Variants in SPATA16 observed in about 807,000 individuals in gnomAD.
SPATA16 encodes spermatogenesis-associated protein 16.
Under a neutral mutation model 63.3 loss-of-function variants are expected in SPATA16, and 36 were observed. The observed-to-expected ratio is 0.57, with a 90% confidence interval of 0.44 to 0.75. The LOEUF (loss-of-function observed/expected upper bound fraction) is 0.75, where lower values mean the gene tolerates loss of function less well. Among genes scored for constraint, SPATA16 ranks in the 30% least tolerant of loss-of-function variants. The probability of loss-of-function intolerance (pLI) is 0.00; values close to 1 mark genes in which losing one functional copy is unlikely to be tolerated. For synonymous variants in SPATA16, 203 were observed against 216.7 expected, an observed-to-expected ratio of 0.94 and a Z score of 0.56; for missense variants, 646 against 679.3, an observed-to-expected ratio of 0.95 and a Z score of 0.54.
intron 4 of SPATA16, among the ~76,000 whole-genome samples, chr3:173,007,905 T>C (rs1393729491): frequency 1.3e-5 from 2 of 152,096 alleles, no homozygotes; most frequent in African/African-American, 4.8e-5. Flanking sequence ...TTTTACAACA[T>C]TTAGGGTAAG....
At chr3:172,956,445 T>A (rs1733597035) in intron 6 of SPATA16, among the ~76,000 whole-genome samples, 1 of 152,122 alleles carries the variant, frequency 6.6e-6, no homozygotes, top group African/African-American at 2.4e-5. Flanking sequence ...ATTTTCTAGG[T>A]TTTATCCCTA....
At chr3:173,061,161 T>A (rs925382245) in intron 2 of SPATA16, among the ~76,000 whole-genome samples, 1 of 152,204 alleles carries the variant, frequency 6.6e-6, no homozygotes, top group Non-Finnish European at 1.5e-5. Flanking sequence ...CAAAGTGAAG[T>A]ATACCACACT....
intron 5 of SPATA16, among the ~76,000 whole-genome samples, chr3:172,964,603 G>A (rs1733866362): frequency 6.6e-6 from 1 of 152,146 alleles, no homozygotes; most frequent in Non-Finnish European, 1.5e-5. Context: ...CACAGCTTGG[G>A]ACCCTTTTTT....
intron 3 of SPATA16, among the ~76,000 whole-genome samples, chr3:173,047,391 G>A (rs1014810907): frequency 3.3e-5 from 5 of 151,812 alleles, no homozygotes; most frequent in East Asian, 3.9e-4. Context: ...CCATGTAGGC[G>A]GCCCTTTTTA....
chr3:173,057,338 C>T (rs536359683), intron 2 of SPATA16, among the ~76,000 whole-genome samples: 2 of 152,134 alleles, frequency 1.3e-5, no homozygotes, highest in South Asian at 4.2e-4. Flanking sequence ...TGGTCTCCAT[C>T]GCCTGACCTC....
chr3:173,096,676 T>G (rs1020538642), intron 2 of SPATA16, among the ~76,000 whole-genome samples: 1 of 152,092 alleles, frequency 6.6e-6, no homozygotes, highest in Admixed American at 6.6e-5. Context: ...AATTTAGCAA[T>G]ATTTATTGAA....
At chr3:172,948,910 A>G (rs1027020266) in intron 6 of SPATA16, among the ~76,000 whole-genome samples, 1 of 152,240 alleles carries the variant, frequency 6.6e-6, no homozygotes, top group African/African-American at 2.4e-5. Flanking sequence ...CAGATACAAA[A>G]GAGCATCTAC....
intron 2 of SPATA16, among the ~76,000 whole-genome samples, chr3:173,092,133 C>A (rs1278184425): frequency 6.6e-6 from 1 of 152,130 alleles, no homozygotes; most frequent in African/African-American, 2.4e-5. Flanking sequence ...TATGCTGATG[C>A]TCATACTGCT....
chr3:173,027,668 T>C (rs1735481200), intron 3 of SPATA16, among the ~76,000 whole-genome samples: 1 of 151,896 alleles, frequency 6.6e-6, no homozygotes. Context: ...GAGAGTGTTT[T>C]CTGCTTCTTG....
rs184186250 is a variant in SPATA16, at chr3:172,993,242, G to A, written c.849-16190C>T. 7.7e-3 allele frequency among the ~76,000 whole-genome samples: 1,166 copies of A among 151,896 alleles called. 27 individuals are homozygous for A. Among genetic ancestry groups the A allele is most frequent in the Non-Finnish European group, 6.2e-3 (424 of 67,926 alleles). On this transcript the variant is annotated intron_variant, in intron 4 of 10. Transcript: ENST00000351008. ...GAAAATGAAAATTAAATAGTGGCAA[G>A]TGACAGCTTGCCATTCTATTCAATA...
chr3:173,128,184 A>G (rs1296503566), intron 1 of SPATA16, among the ~76,000 whole-genome samples: 3 of 152,148 alleles, frequency 2.0e-5, no homozygotes, highest in African/African-American at 4.8e-5. Flanking sequence ...AGGCTCCATT[A>G]TATCCATCCA....
At chr3:173,039,074 A>G (rs1342399440) in intron 3 of SPATA16, among the ~76,000 whole-genome samples, 1 of 152,124 alleles carries the variant, frequency 6.6e-6, no homozygotes. Flanking sequence ...TTGTAATTAT[A>G]GAGTTAATCC....
chr3:172,931,702 C>T (rs569350492), intron 6 of SPATA16, among the ~76,000 whole-genome samples: 13 of 152,208 alleles, frequency 8.5e-5, no homozygotes, highest in African/African-American at 3.1e-4. Flanking sequence ...ATATCTAGAG[C>T]TTCTGAGATA....
At chr3:172,910,387 C>A (rs779509500) in intron 10 of SPATA16, among the ~76,000 whole-genome samples, 1 of 151,988 alleles carries the variant, frequency 6.6e-6, no homozygotes, top group African/African-American at 2.4e-5. Flanking sequence ...CCACTGCGCC[C>A]GGCCAGCAAA....
intron 1 of SPATA16, among the ~76,000 whole-genome samples, chr3:173,139,566 A>G (rs1207863427): frequency 6.6e-6 from 1 of 152,246 alleles, no homozygotes; most frequent in Admixed American, 6.5e-5. Context: ...ACTATGGCCT[A>G]CAATTGTTGG....
intron 5 of SPATA16, 45 bp from the exon 6 acceptor site, chr3:172,956,869 G>A: frequency 6.2e-7 from 1 of 1,605,954 alleles, no homozygotes; most frequent in Non-Finnish European, 8.5e-7. Flanking sequence ...AACAATATAT[G>A]ACTTTTTAAG....
At chr3:172,901,043 T>G (rs1342758115) in intron 10 of SPATA16, among the ~76,000 whole-genome samples, 1 of 142,584 alleles carries the variant, frequency 7.0e-6, no homozygotes, top group African/African-American at 2.4e-5. Flanking sequence ...TTGTTATAGT[T>G]ATTTTATTTT....
chr3:173,015,362 C>T (rs1735158529), intron 4 of SPATA16, among the ~76,000 whole-genome samples: 2 of 152,222 alleles, frequency 1.3e-5, no homozygotes, highest in South Asian at 4.1e-4. Context: ...CTGCAGCCAG[C>T]AGAAAATTCT....
chr3:172,935,726 T>C (rs957056498), intron 6 of SPATA16, among the ~76,000 whole-genome samples: 12 of 152,188 alleles, frequency 7.9e-5, no homozygotes, highest in Non-Finnish European at 1.5e-4. Flanking sequence ...ATTTGAATGA[T>C]TGACAAAGGG....
Sources: gnomAD v4.1 joint callset for allele counts (sites outside exome capture counted in the v4.1 genomes callset) on GRCh38, gnomAD v4.1.1 for gene constraint, MANE v1.5 for transcripts, NCBI Gene and HGNC (gene_info 2026-07-23, HGNC 2026-07-21) for gene names.